The following KIAA1549L variants were observed in gnomAD, a reference collection of about 807,000 sequenced individuals.
KIAA1549L encodes the protein KIAA1549 like.
Under a neutral mutation model 160.7 loss-of-function variants are expected in KIAA1549L, and 88 were observed. The ratio of observed to expected loss-of-function variants is 0.55; its 90% CI spans 0.46 to 0.65. The LOEUF is 0.65. Among genes scored for constraint, KIAA1549L ranks in the 30% least tolerant of loss-of-function variants. The probability of loss-of-function intolerance (pLI) is 0.00; values close to 1 mark genes in which losing one functional copy is unlikely to be tolerated. For missense variants in KIAA1549L, 2,258 were observed against 2,437.5 expected, an observed-to-expected ratio of 0.93 and a Z score of 1.55; for synonymous variants, 950 against 976.7, an observed-to-expected ratio of 0.97 and a Z score of 0.51.
intron 17 of KIAA1549L, among the ~76,000 whole-genome samples, chr11:33,647,573 C>T (rs1851760827): frequency 1.3e-5 from 2 of 151,840 alleles, no homozygotes; most frequent in African/African-American, 4.8e-5. Flanking sequence ...CATTCATCAC[C>T]ATAGCATCTA....
In KIAA1549L at chr11:33,440,380, T is replaced by C. The variant is rs1238995752; in HGVS notation, c.238+63491T>C. Among the ~76,000 whole-genome samples, 4 of 152,104 alleles carry C rather than the reference T, an allele frequency of 2.6e-5. No individual in the cohort carries two copies. The East Asian group carries it at 5.8e-4, about 22-fold the overall frequency. On this transcript the variant is annotated intron_variant, in intron 1 of 20. Transcript: ENST00000658780. ...CTCCTGACCTCGTGATCCGCCCGCC[T>C]CGGCCTCCCAAAGTGCTGGGATTAC...
chr11:33,516,767 CT>C (rs994838458), intron 1 of KIAA1549L, among the ~76,000 whole-genome samples: 6 of 151,420 alleles, frequency 4.0e-5, no homozygotes, highest in South Asian at 2.1e-4. Flanking sequence ...GAATTGGCAA[CT>C]TTTTTTTTAG....
At chr11:33,454,790 T>A (rs1851788321) in intron 1 of KIAA1549L, among the ~76,000 whole-genome samples, 1 of 152,102 alleles carries the variant, frequency 6.6e-6, no homozygotes, top group Admixed American at 6.6e-5. Flanking sequence ...CAAAATAAGT[T>A]TTAAAAAACC....
At chr11:33,523,882 CCTT>C (rs574126031) in intron 1 of KIAA1549L, among the ~76,000 whole-genome samples, 6 of 152,210 alleles carry the variant, frequency 3.9e-5, no homozygotes, top group Non-Finnish European at 5.9e-5. Context: ...CCTCATGCCT[CCTT>C]CTACATTTTT....
At chr11:33,583,225 C>A in intron 10 of KIAA1549L, 113 bp from the exon 11 acceptor site, 2 of 1,013,370 alleles carry the variant, frequency 2.0e-6, no homozygotes, top group South Asian at 1.7e-5. Context: ...ACCCTCTTAA[C>A]CTCCCACGTC....
intron 1 of KIAA1549L, among the ~76,000 whole-genome samples, chr11:33,407,420 C>A (rs1013559772): frequency 1.3e-5 from 2 of 152,162 alleles, no homozygotes; most frequent in Non-Finnish European, 2.9e-5. Context: ...TGGCTCACTG[C>A]AACCTCTGCC....
At chr11:33,428,840 G>T (rs1426959645) in intron 1 of KIAA1549L, among the ~76,000 whole-genome samples, 1 of 152,144 alleles carries the variant, frequency 6.6e-6, no homozygotes, top group Non-Finnish European at 1.5e-5. Context: ...TGGGTCAAAT[G>T]GTATCTCTAG....
intron 1 of KIAA1549L, among the ~76,000 whole-genome samples, chr11:33,468,302 G>C (rs573663056): frequency 1.3e-4 from 20 of 152,268 alleles, no homozygotes; most frequent in African/African-American, 3.9e-4. Flanking sequence ...AAGTTTCTCT[G>C]TAGCATTTGA....
At chr11:33,419,521 CT>C (rs986120504) in intron 1 of KIAA1549L, among the ~76,000 whole-genome samples, 2 of 152,086 alleles carry the variant, frequency 1.3e-5, no homozygotes, top group African/African-American at 4.8e-5. Context: ...ATAGTGCTAT[CT>C]TTTTTTCTCT....
At chr11:33,380,844 G>T (rs548484786) in intron 1 of KIAA1549L, among the ~76,000 whole-genome samples, 1 of 152,028 alleles carries the variant, frequency 6.6e-6, no homozygotes, top group Non-Finnish European at 1.5e-5. Flanking sequence ...CGTCCTCCTT[G>T]CCGCTCCCCA....
intron 1 of KIAA1549L, among the ~76,000 whole-genome samples, chr11:33,442,982 A>G (rs527340754): frequency 1.3e-5 from 2 of 152,122 alleles, no homozygotes; most frequent in South Asian, 2.1e-4. Context: ...TCATTATTAT[A>G]TTTTATATTT....
chr11:33,611,341 C>A (rs535754230), intron 15 of KIAA1549L, among the ~76,000 whole-genome samples: 1 of 152,208 alleles, frequency 6.6e-6, no homozygotes, highest in Non-Finnish European at 1.5e-5. Flanking sequence ...TGAGTAAGTA[C>A]TTATTAAAAG....
intron 1 of KIAA1549L, among the ~76,000 whole-genome samples, chr11:33,430,348 A>G (rs1056609924): frequency 2.6e-5 from 4 of 151,156 alleles, no homozygotes; most frequent in Admixed American, 6.6e-5. Flanking sequence ...GTAATAAGTC[A>G]TATTTGGGGT....
At chr11:33,666,091 GC>G (rs1852441372) in intron 20 of KIAA1549L, among the ~76,000 whole-genome samples, 1 of 152,210 alleles carries the variant, frequency 6.6e-6, no homozygotes, top group Non-Finnish European at 1.5e-5. Context: ...CCTGCTTCTG[GC>G]CCCCTCCAAA....
intron 6 of KIAA1549L, 108 bp from the exon 7 acceptor site, chr11:33,559,641 A>T: frequency 1.2e-6 from 1 of 820,846 alleles, no homozygotes. Context: ...ACCCCCTTTC[A>T]TTCCTTCCCT....
intron 1 of KIAA1549L, among the ~76,000 whole-genome samples, chr11:33,533,767 C>T (rs181905950): frequency 6.6e-6 from 1 of 152,142 alleles, no homozygotes; most frequent in African/African-American, 2.4e-5. Flanking sequence ...GGAGGGATGA[C>T]TCATTTTAAC....
intron 11 of KIAA1549L, among the ~76,000 whole-genome samples, chr11:33,588,519 A>C (rs1325946818): frequency 6.6e-6 from 1 of 152,228 alleles, no homozygotes; most frequent in African/African-American, 2.4e-5. Context: ...AATTGGAAGC[A>C]ACGAGACCGA....
chr11:33,462,916 C>A (rs1851971733), intron 1 of KIAA1549L, among the ~76,000 whole-genome samples: 1 of 152,066 alleles, frequency 6.6e-6, no homozygotes, highest in Non-Finnish European at 1.5e-5. Flanking sequence ...TTTACTGCAG[C>A]TTCAACTTAA....
At chr11:33,595,549 AAAAT>A (rs1198273995) in intron 12 of KIAA1549L, among the ~76,000 whole-genome samples, 1 of 152,172 alleles carries the variant, frequency 6.6e-6, no homozygotes, top group African/African-American at 2.4e-5. Context: ...TTTTAGCATA[AAAAT>A]ATAATTTTAC....
Sources: gnomAD v4.1 joint callset for allele counts (sites outside exome capture counted in the v4.1 genomes callset) on GRCh38, gnomAD v4.1.1 for gene constraint, MANE v1.5 for transcripts, NCBI Gene and HGNC (gene_info 2026-07-23, HGNC 2026-07-21) for gene names.